The following ACOT11 variants were observed in gnomAD, a reference collection of about 807,000 sequenced individuals.
The protein encoded by ACOT11 is acyl-CoA thioesterase 11, also known as acyl-coenzyme A thioesterase 11.
A neutral mutation model predicts 77.5 loss-of-function variants in ACOT11; 69 were observed. The observed-to-expected ratio is 0.89, with a 90% CI of 0.73 to 1.09. The LOEUF is 1.09. ACOT11 is among the 50% of genes least tolerant of loss of function. The pLI is 0.00. For synonymous variants in ACOT11, 279 were observed against 313.0 expected (o/e 0.89, Z 1.15); for missense variants, 766 against 813.7 (o/e 0.94, Z 0.71).
chr1:54,623,014 A>G (rs1424570682), intron 15 of ACOT11, among the ~76,000 whole-genome samples: 1 of 151,834 alleles, frequency 6.6e-6, no homozygotes. Context: ...ATCTCTACTA[A>G]AATTACAAAA....
chr1:54,608,984 G>A lies in ACOT11; in HGVS notation c.1657G>A (p.Gly553Ser). Reference protein sequence around the residue: ...KVSYYNQATPGVLNYVTTNVA... With the variant: ...KVSYYNQATPSVLNYVTTNVA... The stretch of plus-strand genomic sequence containing the variant: ...ATCCTACTACAACCAGGCCACCCCA[G>A]GTGTTCTCAACTATGTGACCACCAA... The change falls in exon 16 of 16, where the codon GGT (glycine) becomes AGT (serine). Residue 553 changes from glycine (G) to serine (S), a missense_variant. Transcript: ENST00000343744. 6.2e-7 allele frequency: 1 copy of A among 1,613,958 alleles called. No homozygotes were observed. The highest frequency in any genetic ancestry group is 8.5e-7 in the Non-Finnish European group (1 of 1,179,940).
chr1:54,573,453 C>T (rs1437081068), intron 1 of ACOT11, among the ~76,000 whole-genome samples: 1 of 152,252 alleles, frequency 6.6e-6, no homozygotes, highest in Non-Finnish European at 1.5e-5. Flanking sequence ...TCAGTACAGG[C>T]TGGGCACAGT....
intron 1 of ACOT11, among the ~76,000 whole-genome samples, chr1:54,559,964 A>G (rs1653406022): frequency 6.6e-6 from 1 of 152,248 alleles, no homozygotes; most frequent in South Asian, 2.1e-4. Flanking sequence ...CTCCAGGGAC[A>G]GATGGTGCTG....
At chr1:54,608,216 CAG>C in intron 15 of ACOT11, 148 bp downstream of exon 15, 1 of 733,744 alleles carries the variant, frequency 1.4e-6, no homozygotes, top group South Asian at 2.0e-5. Context: ...CTGAGAGTGT[CAG>C]GGGCTGAAAA....
intron 16 of ACOT11, among the ~76,000 whole-genome samples, chr1:54,633,336 G>GA (rs1644312166): frequency 6.6e-6 from 1 of 152,046 alleles, no homozygotes; most frequent in Non-Finnish European, 1.5e-5. Context: ...TCATAATTAA[G>GA]AAAAAATCAG....
rs1654425369 is a variant in ACOT11, at chr1:54,584,462, A to G, written c.34-193A>G. On this transcript the variant is annotated intron_variant, in intron 1 of 15. Transcript: ENST00000343744. The surrounding 1 kb of genome is among the most constrained non-coding windows in gnomAD (Gnocchi z 6.3). ...GGCCAAAAGGAAACTGGGCAGAAGC[A>G]GCAATCACAGATATCCTGGGGTCCG... Among the ~76,000 whole-genome samples, 2 of 152,210 alleles carry G rather than the reference A, an allele frequency of 1.3e-5. No individual in the cohort carries two copies. Among genetic ancestry groups the G allele is most frequent in the Admixed American group, 6.5e-5 (1 of 15,286 alleles).
chr1:54,565,524 G>T (rs1653704313), intron 1 of ACOT11, among the ~76,000 whole-genome samples: 1 of 152,208 alleles, frequency 6.6e-6, no homozygotes, highest in Admixed American at 6.5e-5. Context: ...CTGGCCAGGA[G>T]TGCATGGGTG....
intron 6 of ACOT11, among the ~76,000 whole-genome samples, chr1:54,595,298 A>G (rs1316954718): frequency 6.6e-6 from 1 of 151,794 alleles, no homozygotes; most frequent in African/African-American, 2.4e-5. Flanking sequence ...GTGAGCCGAG[A>G]TCACACCATT....
chr1:54,620,488 C>T (rs1250896073), intron 15 of ACOT11, among the ~76,000 whole-genome samples: 4 of 151,980 alleles, frequency 2.6e-5, no homozygotes, highest in African/African-American at 9.7e-5. Flanking sequence ...GGTGGATCAC[C>T]TGAGATTAGG....
intron 1 of ACOT11, among the ~76,000 whole-genome samples, chr1:54,554,193 C>CAAA (rs534129543): frequency 7.3e-6 from 1 of 137,810 alleles, no homozygotes. Flanking sequence ...CAAAAGAAAA[C>CAAA]AAAAAAAAAA....
At chr1:54,638,675 T>C (rs1268499277) in exon 17 of ACOT11, 2 of 152,176 alleles carry the variant, frequency 1.3e-5, no homozygotes, top group African/African-American at 4.8e-5. Context: ...GTGTTTTTTT[T>C]TGTTTTTGGA....
At chr1:54,616,149 C>T (rs1285117139) in intron 15 of ACOT11, 1 of 1,614,208 alleles carries the variant, frequency 6.2e-7, no homozygotes, top group East Asian at 2.2e-5. Context: ...ACATTGACGT[C>T]AGCCTCCAGG....
At chr1:54,579,478 AC>A (rs1654228790) in intron 1 of ACOT11, among the ~76,000 whole-genome samples, 1 of 151,758 alleles carries the variant, frequency 6.6e-6, no homozygotes, top group South Asian at 2.1e-4. Flanking sequence ...AGGCAGGAAT[AC>A]TCCTGCCTTG....
chr1:54,563,636 C>G (rs928644496), intron 1 of ACOT11, among the ~76,000 whole-genome samples: 2 of 152,196 alleles, frequency 1.3e-5, no homozygotes, highest in Admixed American at 6.5e-5. Flanking sequence ...CTAGAAAGCT[C>G]TATGGGCCAG....
chr1:54,576,872 G>T (rs1053157160), intron 1 of ACOT11, among the ~76,000 whole-genome samples: 1 of 152,136 alleles, frequency 6.6e-6, no homozygotes, highest in Non-Finnish European at 1.5e-5. Context: ...ACCCTTTCAG[G>T]ATTGGAAAGA....
intron 1 of ACOT11, among the ~76,000 whole-genome samples, chr1:54,579,232 C>CT (rs111292245): frequency 3.3e-5 from 5 of 151,576 alleles, no homozygotes; most frequent in African/African-American, 9.7e-5. Context: ...CACTACTACC[C>CT]TTTTTTTTTC....
rs557776255 is a variant in ACOT11 at position 54,581,478 on chromosome 1, G to A, written c.34-3177G>A. Among the ~76,000 whole-genome samples, 11 of 152,296 alleles carry A rather than the reference G, an allele frequency of 7.2e-5. No homozygotes were observed. The East Asian group carries it at 1.7e-3, about 24-fold the overall frequency. Reference sequence around the variant, plus strand: ...GTCCCCCAGGCTGTGAACGGATTGGGTGAGGGGGTCTCTCCTGCCCTGACC... The same window carrying A: ...GTCCCCCAGGCTGTGAACGGATTGGATGAGGGGGTCTCTCCTGCCCTGACC... On this transcript the variant is annotated intron_variant, in intron 1 of 15. Coordinates refer to ENST00000343744, the MANE Select transcript of ACOT11 (RefSeq NM_147161.4).
intron 15 of ACOT11, chr1:54,621,660 C>CAGG (rs1010710551): frequency 3.3e-5 from 5 of 152,564 alleles, no homozygotes; most frequent in African/African-American, 1.2e-4. Flanking sequence ...AAGAGGGGTC[C>CAGG]AGGAGGAGAC....
rs893559618 is a variant in ACOT11 at position 54,554,359 on chromosome 1, T to A, written c.33+6017T>A. 3.7e-5 allele frequency among the ~76,000 whole-genome samples: 5 copies of A among 134,450 alleles called. No homozygotes were observed. The East Asian group carries it at 6.1e-4, about 16-fold the overall frequency. 88.2% of individuals were successfully genotyped at this position (134,450 alleles called of 152,430 possible). On this transcript the variant is annotated intron_variant, in intron 1 of 15. Coordinates refer to ENST00000343744, the MANE Select transcript of ACOT11 (RefSeq NM_147161.4). ...TATATATATATATATATATTTTTTT[T>A]TTTTTTTTTTGAGATGGAGTCCTGC... is the stretch of plus-strand genomic sequence containing the variant.
Sources: gnomAD v4.1 joint callset for allele counts (sites outside exome capture counted in the v4.1 genomes callset) on GRCh38, gnomAD v4.1.1 for gene constraint, Gnocchi (gnomAD v3.1) non-coding constraint, MANE v1.5 for transcripts, NCBI Gene and HGNC (gene_info 2026-07-23, HGNC 2026-07-21) for gene names.